Variants in BACH2 observed in about 807,000 individuals in gnomAD.
The protein encoded by BACH2 is transcription regulator protein BACH2.
A neutral mutation model predicts 61.8 loss-of-function variants in BACH2; 5 were observed. The observed-to-expected ratio is 0.08, with a 90% CI of 0.04 to 0.17. The LOEUF (loss-of-function observed/expected upper bound fraction) is 0.17, where lower values mean the gene tolerates loss of function less well. Among genes scored for constraint, BACH2 ranks in the 10% least tolerant of loss-of-function variants. The pLI, the probability that BACH2 is intolerant of heterozygous loss-of-function variation, is 1.00. For synonymous variants in BACH2, 446 were observed against 440.1 expected (o/e 1.01, Z -0.17); for missense variants, 824 against 1,091.1 (o/e 0.76, Z 3.45).
intron 3 of BACH2, among the ~76,000 whole-genome samples, chr6:90,234,040 C>T (rs1014053129): frequency 6.6e-6 from 1 of 152,308 alleles, no homozygotes; most frequent in East Asian, 1.9e-4. Context: ...GGCAGAGCCA[C>T]AGGATGAGAA....
At chr6:89,952,512 A>G (rs552831106) in intron 6 of BACH2, among the ~76,000 whole-genome samples, 1 of 152,292 alleles carries the variant, frequency 6.6e-6, no homozygotes, top group East Asian at 1.9e-4. Flanking sequence ...AACAATCAAA[A>G]GTGGTGTGCT....
chr6:90,171,720 A>C (rs1335059933), intron 4 of BACH2, among the ~76,000 whole-genome samples: 1 of 152,236 alleles, frequency 6.6e-6, no homozygotes, highest in Non-Finnish European at 1.5e-5. Context: ...CAAAGGCTTT[A>C]GCTATTGAAT....
At position 90,014,763 on chromosome 6, in the gene BACH2, G is replaced by A. The variant is rs572361824; in HGVS notation, c.-12-5907C>T. 3.5e-3 allele frequency among the ~76,000 whole-genome samples: 534 copies of A among 151,076 alleles called. 3 individuals are homozygous for A. The highest frequency in any genetic ancestry group is 0.012 in the African/African-American group (498 of 41,134). Reference sequence around the variant, plus strand: ...CTTGGGATTACAGGCGTCAGCTACCGCCCCTGGCCTTTTTATTTTTTTTAT... The same window carrying A: ...CTTGGGATTACAGGCGTCAGCTACCACCCCTGGCCTTTTTATTTTTTTTAT... On this transcript the variant is annotated intron_variant, in intron 5 of 8. Coordinates refer to ENST00000257749, the MANE Select transcript of BACH2 (RefSeq NM_021813.4).
chr6:90,200,792 A>G (rs889845685), intron 4 of BACH2, among the ~76,000 whole-genome samples: 4 of 152,198 alleles, frequency 2.6e-5, no homozygotes, highest in African/African-American at 9.6e-5. Flanking sequence ...TATCATGTAT[A>G]TTTTAAAAAT....
At chr6:90,000,507 T>C (rs1437925694) in intron 6 of BACH2, among the ~76,000 whole-genome samples, 2 of 152,228 alleles carry the variant, frequency 1.3e-5, no homozygotes, top group African/African-American at 4.8e-5. Context: ...AGACTGTTCT[T>C]TCCTTTTAGG....
At chr6:90,063,964 G>T (rs1780817362) in intron 5 of BACH2, among the ~76,000 whole-genome samples, 1 of 151,630 alleles carries the variant, frequency 6.6e-6, no homozygotes, top group Admixed American at 6.6e-5. Context: ...TAAACCAATG[G>T]CCTCTTAGAA....
chr6:90,090,933 G>A (rs1782134915), intron 4 of BACH2, among the ~76,000 whole-genome samples: 1 of 152,112 alleles, frequency 6.6e-6, no homozygotes, highest in Non-Finnish European at 1.5e-5. Context: ...AATCAGAATA[G>A]CTAATAATAA....
At chr6:90,214,611 T>C (rs1769467037) in intron 3 of BACH2, among the ~76,000 whole-genome samples, 1 of 152,154 alleles carries the variant, frequency 6.6e-6, no homozygotes. Context: ...TGCTTACAAC[T>C]GAAACTGCTT....
intron 4 of BACH2, among the ~76,000 whole-genome samples, chr6:90,199,660 A>C (rs1768889475): frequency 6.6e-6 from 1 of 152,188 alleles, no homozygotes; most frequent in South Asian, 2.1e-4. Context: ...TGGAGGTCTA[A>C]CTTGCCCTTT....
In BACH2 at chr6:90,060,131, T is replaced by TA. The variant is rs553422919; in HGVS notation, c.-13+28829dup. Among the ~76,000 whole-genome samples the TA allele has an allele frequency of 8.5e-3, 1,144 of 133,888 alleles. 51 individuals are homozygous for TA. In the East Asian group the frequency reaches 0.15, roughly 17 times the overall value. The allele number at this position is 133,888 out of a possible 152,430, so 87.8% of individuals were successfully genotyped here. The stretch of plus-strand genomic sequence containing the variant: ...CCTAAAACTTAAAGTATAATAACAG[T>TA]AAAAAAAAAAACAAAGAAAACAAAC... On this transcript the variant is annotated intron_variant, in intron 5 of 8. Transcript: ENST00000257749.
chr6:90,202,782 C>T (rs1768999192), intron 4 of BACH2, among the ~76,000 whole-genome samples: 1 of 152,110 alleles, frequency 6.6e-6, no homozygotes, highest in South Asian at 2.1e-4. Context: ...CCCAAAGTTG[C>T]TACTAAGAAG....
At chr6:90,120,175 C>T (rs1042106567) in intron 4 of BACH2, among the ~76,000 whole-genome samples, 1 of 152,098 alleles carries the variant, frequency 6.6e-6, no homozygotes, top group Admixed American at 6.5e-5. Context: ...TCACCAGCAC[C>T]CTAAAAATGG....
intron 4 of BACH2, among the ~76,000 whole-genome samples, chr6:90,144,647 A>T (rs1276544619): frequency 6.6e-6 from 1 of 152,236 alleles, no homozygotes; most frequent in Non-Finnish European, 1.5e-5. Context: ...TTAAACAATG[A>T]CTGGGTGAGT....
intron 3 of BACH2, among the ~76,000 whole-genome samples, chr6:90,239,586 C>T (rs1770369359): frequency 1.3e-5 from 2 of 152,148 alleles, no homozygotes; most frequent in Non-Finnish European, 2.9e-5. Context: ...CATGTACATG[C>T]TTTAATAATC....
At chr6:90,102,839 T>TAAAA (rs1554246226) in intron 4 of BACH2, among the ~76,000 whole-genome samples, 1 of 122,220 alleles carries the variant, frequency 8.2e-6, no homozygotes, top group African/African-American at 3.0e-5. Flanking sequence ...ATAATAATAA[T>TAAAA]AAAAATAAAA....
intron 4 of BACH2, among the ~76,000 whole-genome samples, chr6:90,194,252 G>A (rs1290787527): frequency 1.1e-4 from 17 of 151,664 alleles, no homozygotes; most frequent in African/African-American, 4.1e-4. Flanking sequence ...TTTGAATATG[G>A]ACAAAAAATG....
intron 3 of BACH2, among the ~76,000 whole-genome samples, chr6:90,216,790 G>A (rs1037925659): frequency 6.6e-6 from 1 of 152,166 alleles, no homozygotes; most frequent in Non-Finnish European, 1.5e-5. Flanking sequence ...ATCTGGCAAT[G>A]CTGTAGACAT....
intron 1 of BACH2, among the ~76,000 whole-genome samples, chr6:90,291,577 ACTGT>A (rs1457631886): frequency 6.6e-6 from 1 of 150,694 alleles, no homozygotes; most frequent in Non-Finnish European, 1.5e-5. Context: ...AAAAGCAACT[ACTGT>A]CTTTTTTTTT....
chr6:90,134,376 T>C (rs2127824543), intron 4 of BACH2, among the ~76,000 whole-genome samples: 1 of 152,384 alleles, frequency 6.6e-6, no homozygotes, highest in Non-Finnish European at 1.5e-5. Context: ...AATATTTTGA[T>C]GATGTACATC....
Sources: allele counts gnomAD v4.1 joint callset (sites outside exome capture counted in the v4.1 genomes callset), GRCh38; gene constraint gnomAD v4.1.1; transcripts MANE v1.5; gene names NCBI Gene and HGNC (gene_info 2026-07-23, HGNC 2026-07-21).